Variants in NCAM2 observed in about 807,000 individuals in gnomAD.
The protein encoded by NCAM2 is neural cell adhesion molecule 2, also known as N-CAM-2.
In NCAM2, 30 loss-of-function variants were observed where a neutral mutation model predicts 98.1. The ratio of observed to expected loss-of-function variants is 0.31; its 90% CI spans 0.23 to 0.41. The LOEUF (loss-of-function observed/expected upper bound fraction) is 0.41. Among genes scored for constraint, NCAM2 ranks in the 10% least tolerant of loss-of-function variants. NCAM2 has a pLI of 1.00. For missense variants in NCAM2, 867 were observed against 1,005.8 expected (o/e 0.86, Z 1.87); for synonymous variants, 368 against 342.4 (o/e 1.07, Z -0.83).
At chr21:21,181,435 A>G (rs910842353) in intron 1 of NCAM2, among the ~76,000 whole-genome samples, 1 of 152,198 alleles carries the variant, frequency 6.6e-6, no homozygotes. Flanking sequence ...ATAGTTTACA[A>G]TAACTAATTT....
chr21:21,294,176 G>A (rs1003121404), intron 5 of NCAM2, among the ~76,000 whole-genome samples: 5 of 151,194 alleles, frequency 3.3e-5, no homozygotes. Flanking sequence ...TATATTTATA[G>A]CATGTTGTAA....
intron 1 of NCAM2, among the ~76,000 whole-genome samples, chr21:21,177,049 T>G (rs555731898): frequency 6.6e-6 from 1 of 152,130 alleles, no homozygotes; most frequent in African/African-American, 2.4e-5. Context: ...CTATACTTAA[T>G]TTATTCTGTA....
intron 5 of NCAM2, 118 bp downstream of exon 5, chr21:21,292,359 G>T: frequency 1.0e-6 from 1 of 955,444 alleles, no homozygotes; most frequent in East Asian, 2.7e-5. Flanking sequence ...TTCTATACCA[G>T]GAAGAAATCT....
intron 1 of NCAM2, among the ~76,000 whole-genome samples, chr21:21,164,798 T>A (rs1467931658): frequency 1.3e-5 from 2 of 152,150 alleles, no homozygotes; most frequent in Non-Finnish European, 2.9e-5. Flanking sequence ...AAATAGTGAA[T>A]CAAACAGATA....
chr21:21,012,620 T>C (rs900521407), intron 1 of NCAM2, among the ~76,000 whole-genome samples: 1 of 152,198 alleles, frequency 6.6e-6, no homozygotes, highest in African/African-American at 2.4e-5. Context: ...CACATACTTA[T>C]GCACTTACCT....
intron 2 of NCAM2, among the ~76,000 whole-genome samples, chr21:21,281,311 A>G (rs1160549511): frequency 6.6e-6 from 1 of 152,152 alleles, no homozygotes; most frequent in Non-Finnish European, 1.5e-5. Context: ...TTATAACTGA[A>G]CCATTTTTGT....
intron 10 of NCAM2, 71 bp from the exon 11 acceptor site, chr21:21,418,402 C>A: frequency 1.9e-6 from 2 of 1,078,554 alleles, no homozygotes; most frequent in South Asian, 1.3e-5. Context: ...AAGTGGTAGT[C>A]ATACTGGGGT....
intron 1 of NCAM2, among the ~76,000 whole-genome samples, chr21:21,017,830 CAT>C (rs2064344604): frequency 6.6e-6 from 1 of 151,942 alleles, no homozygotes; most frequent in Non-Finnish European, 1.5e-5. Context: ...ATTTATGTAA[CAT>C]ATATATTTGT....
chr21:21,091,550 A>G (rs1443759371), intron 1 of NCAM2, among the ~76,000 whole-genome samples: 1 of 152,172 alleles, frequency 6.6e-6, no homozygotes, highest in East Asian at 1.9e-4. Context: ...AATTGGACTT[A>G]CAGTTCCATG....
intron 1 of NCAM2, among the ~76,000 whole-genome samples, chr21:21,163,923 G>A (rs565474457): frequency 3.2e-4 from 48 of 152,214 alleles, no homozygotes; most frequent in Admixed American, 2.2e-3. Flanking sequence ...ACCAGTTTGG[G>A]TTCTGATGGC....
chr21:21,364,472 C>T (rs899527028), intron 8 of NCAM2, among the ~76,000 whole-genome samples: 1 of 151,912 alleles, frequency 6.6e-6, no homozygotes, highest in African/African-American at 2.4e-5. Context: ...AATATCAGCA[C>T]ATACAACAGT....
intron 1 of NCAM2, among the ~76,000 whole-genome samples, chr21:21,103,051 A>G (rs2066277371): frequency 1.3e-5 from 2 of 152,062 alleles, no homozygotes; most frequent in Admixed American, 1.3e-4. Context: ...GACCCAGACT[A>G]AGAGAGCTTT....
intron 13 of NCAM2, 85 bp from the exon 14 acceptor site, chr21:21,468,577 A>T (rs1349437656): frequency 7.6e-6 from 10 of 1,318,058 alleles, no homozygotes; most frequent in Non-Finnish European, 1.0e-5. Flanking sequence ...TATTTTGATT[A>T]CATTACTGTT....
chr21:21,453,012 TAAA>T lies in NCAM2; in HGVS notation c.1655-13591_1655-13589del, dbSNP rs1387839971. ...ATTATATTATATAATATATAATATA[TAAA>T]AATATATAATATATAAAAATAATAT... On this transcript the variant is annotated intron_variant, in intron 12 of 17. Transcript: ENST00000400546. Among the ~76,000 whole-genome samples, 282 of 104,434 alleles carry T rather than the reference TAAA, an allele frequency of 2.7e-3. 1 individual carries two copies. The highest frequency in any genetic ancestry group is 4.1e-3 in the African/African-American group (105 of 25,820). The allele number at this position is 104,434 out of a possible 152,430, so 68.5% of individuals were successfully genotyped here.
chr21:21,533,268 T>C (rs1186294472), intron 16 of NCAM2, among the ~76,000 whole-genome samples: 1 of 149,512 alleles, frequency 6.7e-6, no homozygotes, highest in Non-Finnish European at 1.5e-5. Context: ...TTCCCTGCTC[T>C]GAATGTTCTA....
At chr21:21,308,196 A>G (rs1049807030) in intron 5 of NCAM2, among the ~76,000 whole-genome samples, 5 of 152,150 alleles carry the variant, frequency 3.3e-5, no homozygotes, top group African/African-American at 1.2e-4. Flanking sequence ...ATTTATCTAC[A>G]TAGTTACTAT....
chr21:21,472,948 G>GTA (rs976891070), intron 14 of NCAM2, among the ~76,000 whole-genome samples: 9 of 146,406 alleles, frequency 6.1e-5, no homozygotes, highest in Non-Finnish European at 1.2e-4. Context: ...TCTTCCAAAT[G>GTA]TATATATATA....
At chr21:21,531,911 T>G (rs1322178521) in intron 16 of NCAM2, among the ~76,000 whole-genome samples, 3 of 149,748 alleles carry the variant, frequency 2.0e-5, no homozygotes, top group African/African-American at 7.4e-5. Flanking sequence ...GAGAATGGCG[T>G]GAACCCAGGA....
In NCAM2 at chr21:21,072,235, G is replaced by A. The variant is rs563069746; in HGVS notation, c.55+73617G>A. Reference sequence around the variant, plus strand: ...CCTATTTGTAATATTTTTGAGGGTAGCGAATATGACATGTTTAAATGGAAA... The same window carrying A: ...CCTATTTGTAATATTTTTGAGGGTAACGAATATGACATGTTTAAATGGAAA... On this transcript the variant is annotated intron_variant, in intron 1 of 17. Coordinates refer to ENST00000400546, the MANE Select transcript of NCAM2 (RefSeq NM_004540.5). Among the ~76,000 whole-genome samples the A allele has an allele frequency of 1.8e-4, 28 of 152,170 alleles. 1 individual carries two copies. The South Asian group carries it at 5.2e-3, about 28-fold the overall frequency.
Sources: allele counts gnomAD v4.1 joint callset (sites outside exome capture counted in the v4.1 genomes callset), GRCh38; gene constraint gnomAD v4.1.1; transcripts MANE v1.5; gene names NCBI Gene and HGNC (gene_info 2026-07-23, HGNC 2026-07-21).